The following CTNND2 variants were observed in gnomAD, a reference collection of about 807,000 sequenced individuals.
The protein encoded by CTNND2 is catenin delta 2.
Under a neutral mutation model 144.4 loss-of-function variants are expected in CTNND2, and 22 were observed. That is an observed-to-expected ratio of 0.15 (90% CI 0.11 to 0.22). The LOEUF is 0.22. Among genes scored for constraint, CTNND2 ranks in the 10% least tolerant of loss-of-function variants. CTNND2 has a pLI of 1.00. For missense variants in CTNND2, 1,353 were observed against 1,618.8 expected (o/e 0.84, Z 2.82); for synonymous variants, 751 against 695.6 (o/e 1.08, Z -1.25).
chr5:11,230,382 G>A (rs245092), intron 10 of CTNND2, among the ~76,000 whole-genome samples: 133,121 of 151,986 alleles, frequency 0.88, 58,398 homozygotes, highest in East Asian at 0.97. Context: ...AAAAAAATCC[G>A]CAAAAGTTAG....
At chr5:11,038,647 G>A (rs999094315) in intron 16 of CTNND2, among the ~76,000 whole-genome samples, 3 of 152,176 alleles carry the variant, frequency 2.0e-5, no homozygotes, top group African/African-American at 7.2e-5. Context: ...AAACCTGGAA[G>A]AGGTGAACTT....
intron 20 of CTNND2, among the ~76,000 whole-genome samples, chr5:10,983,590 T>TTA (rs1737567702): frequency 6.6e-6 from 1 of 152,216 alleles, no homozygotes; most frequent in Non-Finnish European, 1.5e-5. Context: ...GACCATTCTG[T>TTA]TATCCTCTCT....
At chr5:11,859,745 C>A (rs547398940) in intron 1 of CTNND2, among the ~76,000 whole-genome samples, 20 of 152,256 alleles carry the variant, frequency 1.3e-4, no homozygotes, top group African/African-American at 4.8e-4. Flanking sequence ...CCAGATCCTG[C>A]TTTCTTCTCA....
chr5:11,485,374 TGCGCGC>T (rs141291357), intron 3 of CTNND2, among the ~76,000 whole-genome samples: 497 of 140,490 alleles, frequency 3.5e-3, no homozygotes, highest in Middle Eastern at 7.9e-3. Context: ...TGTGTGTGTG[TGCGCGC>T]GCGCGCGTGC....
chr5:10,995,947 G>T (rs1019332506), intron 18 of CTNND2, among the ~76,000 whole-genome samples: 2 of 152,132 alleles, frequency 1.3e-5, no homozygotes, highest in Non-Finnish European at 2.9e-5. Flanking sequence ...ATAAGGAAGG[G>T]TTGGAGCTTA....
chr5:11,300,046 T>G (rs1749424078), intron 9 of CTNND2, among the ~76,000 whole-genome samples: 1 of 152,174 alleles, frequency 6.6e-6, no homozygotes, highest in South Asian at 2.1e-4. Flanking sequence ...TTTATATACA[T>G]TTAGGTTTGA....
At chr5:11,584,580 C>A (rs890055942) in intron 2 of CTNND2, among the ~76,000 whole-genome samples, 1 of 151,988 alleles carries the variant, frequency 6.6e-6, no homozygotes, top group East Asian at 1.9e-4. Context: ...TTATTAAATT[C>A]CTAGAGATTA....
At chr5:11,635,636 A>G (rs1169927536) in intron 2 of CTNND2, among the ~76,000 whole-genome samples, 1 of 152,210 alleles carries the variant, frequency 6.6e-6, no homozygotes, top group East Asian at 1.9e-4. Flanking sequence ...TTTATTCCTA[A>G]CATTCTAACA....
intron 3 of CTNND2, among the ~76,000 whole-genome samples, chr5:11,529,584 G>A (rs1773558727): frequency 6.6e-6 from 1 of 152,164 alleles, no homozygotes; most frequent in Non-Finnish European, 1.5e-5. Context: ...AGCTTAGTTT[G>A]GAAACTGGTT....
chr5:11,678,978 T>C (rs1380373737), intron 2 of CTNND2, among the ~76,000 whole-genome samples: 1 of 151,962 alleles, frequency 6.6e-6, no homozygotes, highest in Admixed American at 6.6e-5. Flanking sequence ...GGTGCTGGGA[T>C]GGACACCGAT....
At chr5:11,445,512 C>T (rs189979298) in intron 3 of CTNND2, among the ~76,000 whole-genome samples, 8 of 152,316 alleles carry the variant, frequency 5.3e-5, no homozygotes, top group South Asian at 2.1e-4. Context: ...CAAAGCAAAG[C>T]GGCTCATGCC....
chr5:11,620,065 TA>T, intron 2 of CTNND2, among the ~76,000 whole-genome samples: 1 of 152,222 alleles, frequency 6.6e-6, no homozygotes, highest in East Asian at 1.9e-4. Context: ...TTTTAAAATA[TA>T]AATCTTAAAT....
At chr5:11,093,661 C>T (rs1751016404) in intron 15 of CTNND2, among the ~76,000 whole-genome samples, 1 of 152,040 alleles carries the variant, frequency 6.6e-6, no homozygotes, top group African/African-American at 2.4e-5. Flanking sequence ...TATTTTACCT[C>T]TACATTTCTG....
intron 18 of CTNND2, among the ~76,000 whole-genome samples, chr5:11,015,908 A>G (rs1468385733): frequency 2.0e-5 from 3 of 152,216 alleles, no homozygotes; most frequent in Non-Finnish European, 4.4e-5. Flanking sequence ...TTAACTAAGG[A>G]GGCTGGGATA....
intron 12 of CTNND2, among the ~76,000 whole-genome samples, chr5:11,157,585 G>A (rs1459321494): frequency 3.9e-5 from 6 of 152,134 alleles, no homozygotes; most frequent in Non-Finnish European, 1.5e-5. Flanking sequence ...AATGCTCCTG[G>A]GATAAAACTG....
At chr5:11,850,237 C>T (rs1284575967) in intron 1 of CTNND2, among the ~76,000 whole-genome samples, 1 of 152,094 alleles carries the variant, frequency 6.6e-6, no homozygotes, top group African/African-American at 2.4e-5. Context: ...AAAGACGTTT[C>T]ACTCCACTCC....
intron 1 of CTNND2, among the ~76,000 whole-genome samples, chr5:11,884,391 A>G (rs963227286): frequency 6.6e-6 from 1 of 152,160 alleles, no homozygotes; most frequent in African/African-American, 2.4e-5. Context: ...AGTTTCCTAC[A>G]TATGGCTGGC....
intron 12 of CTNND2, among the ~76,000 whole-genome samples, chr5:11,141,925 C>T (rs13188516): frequency 0.047 from 7,228 of 152,232 alleles, 266 homozygotes; most frequent in East Asian, 0.088. Context: ...AATGGATTAA[C>T]ATTTTTATGG....
chr5:11,582,772 C>A (rs1320572041), intron 2 of CTNND2, among the ~76,000 whole-genome samples: 1 of 152,126 alleles, frequency 6.6e-6, no homozygotes, highest in Non-Finnish European at 1.5e-5. Context: ...GAGCCTGGAC[C>A]ACAGTGATAA....
Sources: allele counts gnomAD v4.1 joint callset (sites outside exome capture counted in the v4.1 genomes callset), GRCh38; gene constraint gnomAD v4.1.1; transcripts MANE v1.5; gene names NCBI Gene and HGNC (gene_info 2026-07-23, HGNC 2026-07-21).